Variants in GALNTL6 observed in about 807,000 individuals in gnomAD.
The protein encoded by GALNTL6 is polypeptide N-acetylgalactosaminyltransferase like 6.
In GALNTL6, 46 loss-of-function variants were observed where a neutral mutation model predicts 73.7. The ratio of observed to expected loss-of-function variants is 0.62; its 90% confidence interval spans 0.49 to 0.80. GALNTL6 has a LOEUF of 0.80. Among genes scored for constraint, GALNTL6 ranks in the 30% least tolerant of loss-of-function variants. The pLI, the probability that GALNTL6 is intolerant of heterozygous loss-of-function variation, is 0.00. For missense variants in GALNTL6, 604 were observed against 755.0 expected (o/e 0.80, Z 2.34); for synonymous variants, 259 against 263.7 (o/e 0.98, Z 0.17).
At chr4:172,495,779 T>G (rs1474235045) in intron 5 of GALNTL6, among the ~76,000 whole-genome samples, 1 of 152,160 alleles carries the variant, frequency 6.6e-6, no homozygotes, top group Non-Finnish European at 1.5e-5. Flanking sequence ...CTAATAAGCT[T>G]CTATTGATGT....
intron 3 of GALNTL6, among the ~76,000 whole-genome samples, chr4:172,263,291 T>C (rs1738319731): frequency 6.6e-6 from 1 of 151,402 alleles, no homozygotes; most frequent in East Asian, 1.9e-4. Flanking sequence ...AATCCCAGTT[T>C]TCTTGGATGG....
At chr4:172,899,790 T>G (rs1042126659) in intron 8 of GALNTL6, among the ~76,000 whole-genome samples, 5 of 152,202 alleles carry the variant, frequency 3.3e-5, no homozygotes, top group Non-Finnish European at 5.9e-5. Context: ...TTCTTGATTG[T>G]TTGCTAAACA....
intron 2 of GALNTL6, among the ~76,000 whole-genome samples, chr4:172,038,126 A>C (rs1427346543): frequency 6.6e-6 from 1 of 151,770 alleles, no homozygotes; most frequent in Non-Finnish European, 1.5e-5. Flanking sequence ...TCAAAAAAAA[A>C]AACAAAAAAA....
chr4:172,645,435 T>C (rs572051906), intron 5 of GALNTL6, among the ~76,000 whole-genome samples: 3 of 152,096 alleles, frequency 2.0e-5, no homozygotes, highest in Admixed American at 2.0e-4. Context: ...TCCAGGAACA[T>C]GTATTGAGAA....
At position 172,296,170 on chromosome 4, in the gene GALNTL6, T is replaced by C. The variant is rs116692945; in HGVS notation, c.248-15444T>C. ...CCTTCTATTCCTAGCTTTCTGAAAA[T>C]TTTCATTAAGAATGTGTATCGGCTT... On this transcript the variant is annotated intron_variant, in intron 3 of 12. Coordinates refer to ENST00000506823, the MANE Select transcript of GALNTL6 (RefSeq NM_001034845.3). Among the ~76,000 whole-genome samples the C allele has an allele frequency of 7.6e-3, 1,163 of 152,240 alleles. 14 individuals carry two copies. Among genetic ancestry groups the C allele is most frequent in the African/African-American group, 0.026 (1,092 of 41,542 alleles).
chr4:172,782,531 A>G (rs1739424164), intron 5 of GALNTL6, among the ~76,000 whole-genome samples: 1 of 152,136 alleles, frequency 6.6e-6, no homozygotes, highest in African/African-American at 2.4e-5. Flanking sequence ...TGGTAGAGAA[A>G]GTTTTTACCC....
chr4:172,338,711 A>G (rs1402203857), intron 4 of GALNTL6, among the ~76,000 whole-genome samples: 1 of 152,212 alleles, frequency 6.6e-6, no homozygotes, highest in Non-Finnish European at 1.5e-5. Context: ...CTTGGAATAC[A>G]TAATGGCCTG....
intron 2 of GALNTL6, among the ~76,000 whole-genome samples, chr4:172,147,626 T>C (rs1417065223): frequency 1.3e-5 from 2 of 152,274 alleles, no homozygotes; most frequent in Non-Finnish European, 2.9e-5. Context: ...AAAGTTATAC[T>C]ACACAAACCC....
At chr4:172,343,013 C>T (rs185416383) in intron 4 of GALNTL6, among the ~76,000 whole-genome samples, 1 of 152,226 alleles carries the variant, frequency 6.6e-6, no homozygotes, top group African/African-American at 2.4e-5. Context: ...CAGAGACCCT[C>T]CTTCCAACTA....
intron 7 of GALNTL6, among the ~76,000 whole-genome samples, chr4:172,833,578 G>T (rs1226131347): frequency 1.3e-5 from 2 of 152,084 alleles, no homozygotes; most frequent in Admixed American, 6.5e-5. Flanking sequence ...AGCTCCATAA[G>T]AATTAGGAAC....
At chr4:171,999,982 G>A (rs1740623106) in intron 2 of GALNTL6, among the ~76,000 whole-genome samples, 1 of 152,114 alleles carries the variant, frequency 6.6e-6, no homozygotes, top group African/African-American at 2.4e-5. Context: ...AATATGGTGG[G>A]AAAGTAAAAG....
rs375849636 is a variant in GALNTL6, at chr4:172,177,761, A to G, written c.139-51895A>G. On this transcript the variant is annotated intron_variant, in intron 2 of 12. Transcript: ENST00000506823. ...TACACATGTGTATATATATGTGTGTATATATATGTACACATATATACACAT... is the reference window on the plus strand; with the variant it reads ...TACACATGTGTATATATATGTGTGTGTATATATGTACACATATATACACAT... Among the ~76,000 whole-genome samples the G allele has an allele frequency of 2.6e-4, 26 of 98,832 alleles. 2 individuals are homozygous for G. The highest frequency in any genetic ancestry group is 7.6e-4 in the East Asian group (2 of 2,624). 64.8% of individuals were successfully genotyped at this position (98,832 alleles called of 152,430 possible).
At chr4:172,131,717 G>A (rs1733504120) in intron 2 of GALNTL6, among the ~76,000 whole-genome samples, 1 of 151,750 alleles carries the variant, frequency 6.6e-6, no homozygotes, top group African/African-American at 2.4e-5. Context: ...TTCTTTGGGT[G>A]TGTTTTCTTA....
At chr4:172,636,773 G>T (rs1303873812) in intron 5 of GALNTL6, among the ~76,000 whole-genome samples, 1 of 152,122 alleles carries the variant, frequency 6.6e-6, no homozygotes, top group Non-Finnish European at 1.5e-5. Context: ...TTAATCAAAG[G>T]CTCCTGGTAA....
chr4:171,940,820 AAAATAAATAAAT>A (rs372040035), intron 2 of GALNTL6, among the ~76,000 whole-genome samples: 5 of 83,236 alleles, frequency 6.0e-5, no homozygotes, highest in East Asian at 3.7e-4. Context: ...TCCATCTCAG[AAAATAAATAAAT>A]AAATAAATAA....
At chr4:173,003,966 T>A (rs546696671) in intron 10 of GALNTL6, among the ~76,000 whole-genome samples, 1 of 152,294 alleles carries the variant, frequency 6.6e-6, no homozygotes, top group East Asian at 1.9e-4. Context: ...GAAGCCAGTT[T>A]TTCTTAGTCT....
At chr4:172,866,738 C>G (rs1744685816) in intron 7 of GALNTL6, among the ~76,000 whole-genome samples, 1 of 152,186 alleles carries the variant, frequency 6.6e-6, no homozygotes, top group South Asian at 2.1e-4. Context: ...GCTGCGCTGT[C>G]TGAATTGCCC....
chr4:172,879,178 C>G (rs1369802529), intron 7 of GALNTL6, among the ~76,000 whole-genome samples: 1 of 151,756 alleles, frequency 6.6e-6, no homozygotes, highest in Non-Finnish European at 1.5e-5. Context: ...GAATTATAGT[C>G]ATAGATTTCA....
In GALNTL6 at chr4:172,583,920, A is replaced by AAAT. The variant is rs1553962815; in HGVS notation, c.554-225441_554-225440insAAT. On this transcript the variant is annotated intron_variant, in intron 5 of 12. Coordinates refer to ENST00000506823, the MANE Select transcript of GALNTL6 (RefSeq NM_001034845.3). ...AAAAAAAAAAAAAAAAAAAAAAAAA[A>AAAT]TCAGATGCTGGGCAGTAGAACGCAA... Among the ~76,000 whole-genome samples the AAAT allele has an allele frequency of 5.2e-5, 7 of 135,548 alleles. 1 individual carries two copies. Among genetic ancestry groups the AAAT allele is most frequent in the Admixed American group, 2.2e-4 (3 of 13,460 alleles). 88.9% of individuals were successfully genotyped at this position (135,548 alleles called of 152,430 possible). A position where few individuals can be genotyped will look rare whatever the true frequency, so the allele number is the denominator to read the frequency against.
Sources: allele counts gnomAD v4.1 joint callset (sites outside exome capture counted in the v4.1 genomes callset), GRCh38; gene constraint gnomAD v4.1.1; transcripts MANE v1.5; gene names NCBI Gene and HGNC (gene_info 2026-07-23, HGNC 2026-07-21).